DOCK6: variants seen among roughly 807,000 people sequenced by gnomAD.
DOCK6 encodes the protein dedicator of cytokinesis protein 6.
In DOCK6, 167 loss-of-function variants were observed where a neutral mutation model predicts 230.3. The observed-to-expected ratio is 0.73, with a 90% CI of 0.64 to 0.82. The LOEUF (loss-of-function observed/expected upper bound fraction) is 0.82, where lower values mean the gene tolerates loss of function less well. Among genes scored for constraint, DOCK6 ranks in the 40% least tolerant of loss-of-function variants. The pLI is 0.00. For missense variants in DOCK6, 2,598 were observed against 2,825.8 expected (o/e 0.92, Z 1.83); for synonymous variants, 1,148 against 1,185.0 (o/e 0.97, Z 0.64).
At position 11,222,354 on chromosome 19, in the gene DOCK6, C is replaced by T; in HGVS notation, c.3241-106G>A. 5 of 1,433,792 alleles carry T rather than the reference C, an allele frequency of 3.5e-6. No individual in the cohort carries two copies. Among genetic ancestry groups the T allele is most frequent in the Non-Finnish European group, 4.7e-6 (5 of 1,060,382 alleles). The allele number at this position is 1,433,792 out of a possible 1,614,324, so 88.8% of individuals were successfully genotyped here. ...TGACAGAAATCATGGTGCCAATAGC[C>T]ACAGATGAAAGACTGATGTTAAGTC... is the stretch of plus-strand genomic sequence containing the variant. On this transcript the variant is annotated intron_variant, in intron 26 of 47. Transcript: ENST00000294618. This position sits in a 1 kb window ranked among gnomAD's most constrained non-coding sequence, Gnocchi z 4.0.
chr19:11,201,146 G>A lies in DOCK6; in HGVS notation c.5689-94C>T, dbSNP rs1031588759. ...GCAGCTCAGACCCCGCTGGGAGTGA[G>A]AGGGGTCCAAGAACCCAGGCAATGA... On this transcript the variant is annotated intron_variant, in intron 44 of 47. Coordinates refer to ENST00000294618, the MANE Select transcript of DOCK6 (RefSeq NM_020812.4). This position sits in a 1 kb window ranked among gnomAD's most constrained non-coding sequence, Gnocchi z 4.3. 1.3e-5 allele frequency: 20 copies of A among 1,485,294 alleles called. No homozygotes were observed. In the African/African-American group the frequency reaches 2.4e-4, roughly 18 times the overall value. 92.0% of individuals were successfully genotyped at this position (1,485,294 alleles called of 1,614,324 possible).
At chr19:11,221,523 C>A in intron 28 of DOCK6, 1 of 277,650 alleles carries the variant, frequency 3.6e-6, no homozygotes, top group Non-Finnish European at 6.9e-6. Flanking sequence ...TGGATGTTCC[C>A]TACTTTTTGC....
intron 1 of DOCK6, among the ~76,000 whole-genome samples, chr19:11,258,445 T>C (rs933708973): frequency 2.0e-5 from 3 of 151,986 alleles, no homozygotes; most frequent in Non-Finnish European, 4.4e-5. Flanking sequence ...TCTCTTTTTT[T>C]TTTTTCCTTG....
chr19:11,204,841 G>A (rs1227557676), intron 39 of DOCK6, among the ~76,000 whole-genome samples: 1 of 152,076 alleles, frequency 6.6e-6, no homozygotes, highest in Non-Finnish European at 1.5e-5. Context: ...CACTCTCCCA[G>A]CCCTTCACCA....
rs2147692969 is a variant in DOCK6 at position 11,201,335 on chromosome 19, C to T, written c.5689-283G>A. Among the ~76,000 whole-genome samples, 1 of 152,100 alleles carries T rather than the reference C, an allele frequency of 6.6e-6. No individual in the cohort carries two copies. Among genetic ancestry groups the T allele is most frequent in the African/African-American group, 2.4e-5 (1 of 41,492 alleles). Reference sequence around the variant, plus strand: ...GGAAGTTGGAGTTTGGGGTCCCCAACCTGGTTCTGGGGTACATGAGCCAAT... The same window carrying T: ...GGAAGTTGGAGTTTGGGGTCCCCAATCTGGTTCTGGGGTACATGAGCCAAT... On this transcript the variant is annotated intron_variant, in intron 44 of 47. Coordinates refer to ENST00000294618, the MANE Select transcript of DOCK6 (RefSeq NM_020812.4). This position sits in a 1 kb window ranked among gnomAD's most constrained non-coding sequence, Gnocchi z 4.3.
In DOCK6 at chr19:11,243,252, G is replaced by A; in HGVS notation, c.1386+6C>T. 1 of 1,612,716 alleles carries A rather than the reference G, an allele frequency of 6.2e-7. No individual in the cohort carries two copies. The highest frequency in any genetic ancestry group is 1.3e-5 in the African/African-American group (1 of 75,016). Reference sequence around the variant, plus strand: ...TGGGAGAGTCCCTGGCCCCAGGGTAGGACACCTGCTTAAAGAAGTTTGTGA... The same window carrying A: ...TGGGAGAGTCCCTGGCCCCAGGGTAAGACACCTGCTTAAAGAAGTTTGTGA... On this transcript the variant is annotated splice_donor_region_variant and intron_variant, in intron 12 of 47. Transcript: ENST00000294618. This position sits in a 1 kb window ranked among gnomAD's most constrained non-coding sequence, Gnocchi z 6.3.
Position 11,252,946 on chromosome 19 carries a change from C to G in DOCK6, c.145G>C (p.Glu49Gln), listed in dbSNP as rs1455499039. 1 of 1,607,308 alleles carries G rather than the reference C, an allele frequency of 6.2e-7. No individual in the cohort carries two copies. The highest frequency in any genetic ancestry group is 8.5e-7 in the Non-Finnish European group (1 of 1,176,988). The change falls in exon 3 of 48, where the codon GAA becomes CAA. Residue 49 changes from glutamate to glutamine, a missense_variant. Transcript: ENST00000294618. ...CSSSLGVPLT[E>Q]VVEPLDFEDV... ...TCAAAGTCCAGGGGCTCGACAACTT[C>G]AGTCAGTGGGACCTGGATTGGAGCA...
In DOCK6 at chr19:11,253,668, AG is replaced by A; in HGVS notation, c.102del (p.Ser35ProfsTer13). On this transcript the variant is annotated frameshift_variant, in exon 2 of 48. Coordinates refer to ENST00000294618, the MANE Select transcript of DOCK6 (RefSeq NM_020812.4). LOFTEE classifies it high-confidence loss of function. The part of the protein sequence containing the change: ...QVSRERSGSP[H>X]SSRRCSSSLG... ...AGGGAGCTGCTGCAGCGCCTGCTGG[AG>A]TGGGGGGAGCCACTGCGTTCCCGGG... 1 of 1,460,978 alleles carries A rather than the reference AG, an allele frequency of 6.8e-7. No individual in the cohort carries two copies. The highest frequency in any genetic ancestry group is 9.0e-7 in the Non-Finnish European group (1 of 1,112,938). 90.5% of individuals were successfully genotyped at this position (1,460,978 alleles called of 1,614,324 possible).
intron 13 of DOCK6, among the ~76,000 whole-genome samples, chr19:11,242,829 G>T (rs1029924751): frequency 6.6e-6 from 1 of 152,036 alleles, no homozygotes; most frequent in Non-Finnish European, 1.5e-5. Context: ...CAGGACCCCT[G>T]CCTGCCCCGC....
chr19:11,248,183 G>GGC, intron 6 of DOCK6, 32 bp from the exon 7 acceptor site: 2 of 1,182,830 alleles, frequency 1.7e-6, no homozygotes, highest in Non-Finnish European at 2.5e-6. Flanking sequence ...AGCTGGGCGG[G>GGC]AGGAGCTGGG....
intron 1 of DOCK6, among the ~76,000 whole-genome samples, chr19:11,260,250 A>C (rs759372542): frequency 6.6e-6 from 1 of 152,098 alleles, no homozygotes; most frequent in Non-Finnish European, 1.5e-5. Flanking sequence ...CTTGAGTAAA[A>C]ACCAGGACCC....
chr19:11,218,874 CTTTTTTTTTTT>C (rs74180011), intron 28 of DOCK6, among the ~76,000 whole-genome samples: 10 of 104,980 alleles, frequency 9.5e-5, no homozygotes, highest in Non-Finnish European at 1.8e-4. Context: ...AAAAAAATCA[CTTTTTTTTTTT>C]TTTTTTTTTT....
rs766544205 is a variant in DOCK6, at chr19:11,242,138, T to C, written c.1550A>G (p.His517Arg). 12 of 1,500,108 alleles carry C rather than the reference T, an allele frequency of 8.0e-6. No homozygotes were observed. The highest frequency in any genetic ancestry group is 1.1e-5 in the Non-Finnish European group (12 of 1,127,150). 92.9% of individuals were successfully genotyped at this position (1,500,108 alleles called of 1,614,324 possible). The change falls in exon 14 of 48, where the codon CAT (histidine) becomes CGT (arginine). Residue 517 changes from histidine to arginine, a missense_variant. Coordinates refer to ENST00000294618, the MANE Select transcript of DOCK6 (RefSeq NM_020812.4). Reference protein sequence around the residue: ...PHFCLSPELLHIKPYPDPRGR... With the variant: ...PHFCLSPELLRIKPYPDPRGR... ...CCTGGGGTCCGGGTAGGGCTTGATA[T>C]GAAGCAGCTCAGGGGAGAGGCAGAA... is the stretch of plus-strand genomic sequence containing the variant.
At chr19:11,255,561 G>A (rs897519731) in intron 1 of DOCK6, among the ~76,000 whole-genome samples, 3 of 152,032 alleles carry the variant, frequency 2.0e-5, no homozygotes, top group African/African-American at 4.8e-5. Flanking sequence ...CGATCTGCCC[G>A]CCTTGTACTT....
chr19:11,252,428 A>C, intron 4 of DOCK6, 54 bp downstream of exon 4: 1 of 1,602,204 alleles, frequency 6.2e-7, no homozygotes, highest in East Asian at 2.2e-5. Flanking sequence ...TGCAGACATC[A>C]GCTCAGCCCT....
intron 21 of DOCK6, among the ~76,000 whole-genome samples, chr19:11,234,626 T>C (rs2079818939): frequency 7.0e-6 from 1 of 143,318 alleles, no homozygotes; most frequent in Admixed American, 6.9e-5. Flanking sequence ...TTATTATCCC[T>C]GTTTTACAAA....
intron 14 of DOCK6, among the ~76,000 whole-genome samples, chr19:11,239,268 C>A (rs1316520822): frequency 6.6e-6 from 1 of 152,194 alleles, no homozygotes; most frequent in Non-Finnish European, 1.5e-5. Flanking sequence ...ATTGTAATGG[C>A]AGGTCAAACA....
At chr19:11,227,788 T>A (rs1030204564) in intron 23 of DOCK6, among the ~76,000 whole-genome samples, 3 of 150,916 alleles carry the variant, frequency 2.0e-5, no homozygotes, top group South Asian at 2.1e-4. Context: ...CCAGGCAAAG[T>A]GTAGAGAGTG....
In DOCK6 at chr19:11,238,163, C is replaced by G. The variant is rs537556961; in HGVS notation, c.1761+24G>C. 1.6e-5 allele frequency: 26 copies of G among 1,613,828 alleles called. No individual in the cohort carries two copies. The South Asian group carries it at 2.4e-4, about 15-fold the overall frequency. Reference sequence around the variant, plus strand: ...GACCCATGGGGGATGCCCTACCCCCCTTCCCTGGGGCACAGCCACTGACCG... The same window carrying G: ...GACCCATGGGGGATGCCCTACCCCCGTTCCCTGGGGCACAGCCACTGACCG... On this transcript the variant is annotated intron_variant, in intron 15 of 47. Transcript: ENST00000294618.
Sources: gnomAD v4.1 joint callset for allele counts (sites outside exome capture counted in the v4.1 genomes callset) on GRCh38, gnomAD v4.1.1 for gene constraint, Gnocchi (gnomAD v3.1) non-coding constraint, MANE v1.5 for transcripts, NCBI Gene and HGNC (gene_info 2026-07-23, HGNC 2026-07-21) for gene names.